CSMD1: variants seen among roughly 807,000 people sequenced by gnomAD.
The protein encoded by CSMD1 is CUB and sushi domain-containing protein 1.
In CSMD1, 213 loss-of-function variants were observed where a neutral mutation model predicts 417.5. The observed-to-expected ratio is 0.51, with a 90% CI of 0.46 to 0.57. CSMD1 has a LOEUF of 0.57. CSMD1 is among the 20% of genes least tolerant of loss of function. CSMD1 has a pLI of 0.00. For missense variants in CSMD1, 6,923 were observed against 4,529.7 expected (o/e 1.53, Z -15.17); for synonymous variants, 2,862 against 1,736.8 (o/e 1.65, Z -16.11).
rs925742608 is a variant in CSMD1, at chr8:4,470,344, G to C, written c.303-50279C>G. Among the ~76,000 whole-genome samples, 6 of 152,200 alleles carry C rather than the reference G, an allele frequency of 3.9e-5. No homozygotes were observed. The South Asian group carries it at 6.2e-4, about 16-fold the overall frequency. Reference sequence around the variant, plus strand: ...CTACAACGTGGCGTCACTTGACTACGATGGTTCAACTCCCAATGCTTCCTC... The same window carrying C: ...CTACAACGTGGCGTCACTTGACTACCATGGTTCAACTCCCAATGCTTCCTC... On this transcript the variant is annotated intron_variant, in intron 2 of 69. Coordinates refer to ENST00000635120, the MANE Select transcript of CSMD1 (RefSeq NM_033225.6).
At chr8:4,757,720 A>G (rs1811755557) in intron 1 of CSMD1, among the ~76,000 whole-genome samples, 1 of 152,056 alleles carries the variant, frequency 6.6e-6, no homozygotes, top group Non-Finnish European at 1.5e-5. Flanking sequence ...TCACTTTGGG[A>G]GGGTGAGGCA....
intron 7 of CSMD1, among the ~76,000 whole-genome samples, chr8:3,619,357 T>C (rs1013646149): frequency 1.4e-5 from 2 of 146,526 alleles, no homozygotes; most frequent in Non-Finnish European, 3.0e-5. Flanking sequence ...TGGAGCACGG[T>C]AGTTAATTTT....
chr8:3,848,657 A>T (rs545214801), intron 5 of CSMD1, among the ~76,000 whole-genome samples: 11 of 152,204 alleles, frequency 7.2e-5, no homozygotes, highest in Middle Eastern at 3.4e-3. Flanking sequence ...TTAAAGCCAG[A>T]TTTTTCATTT....
intron 1 of CSMD1, among the ~76,000 whole-genome samples, chr8:4,908,570 T>C (rs36089348): frequency 0.25 from 37,796 of 151,826 alleles, 5,271 homozygotes; most frequent in East Asian, 0.52. Context: ...TTTTCTCTTT[T>C]CATTTCAATG....
At chr8:3,252,902 G>A (rs1002533760) in intron 26 of CSMD1, among the ~76,000 whole-genome samples, 3 of 152,008 alleles carry the variant, frequency 2.0e-5, no homozygotes, top group African/African-American at 7.2e-5. Context: ...TGGGATCGGT[G>A]GTGATATTAC....
intron 46 of CSMD1, among the ~76,000 whole-genome samples, chr8:3,102,158 G>A (rs966482831): frequency 6.6e-6 from 1 of 152,138 alleles, no homozygotes; most frequent in Non-Finnish European, 1.5e-5. Context: ...TAATTTTTCT[G>A]AAGAATTTAT....
chr8:4,743,041 T>G (rs1404145199), intron 1 of CSMD1, among the ~76,000 whole-genome samples: 1 of 152,210 alleles, frequency 6.6e-6, no homozygotes, highest in Non-Finnish European at 1.5e-5. Context: ...TCTAAGTGTT[T>G]TTGTTTGTAT....
chr8:4,740,452 G>C (rs1043676533), intron 1 of CSMD1, among the ~76,000 whole-genome samples: 3 of 152,144 alleles, frequency 2.0e-5, no homozygotes, highest in African/African-American at 7.2e-5. Flanking sequence ...TGCAATCCTA[G>C]GGTAGAGACA....
chr8:4,661,331 A>C (rs1345671980), intron 1 of CSMD1, among the ~76,000 whole-genome samples: 1 of 152,230 alleles, frequency 6.6e-6, no homozygotes. Context: ...TGACTGATAC[A>C]TGCCATATAC....
chr8:3,535,079 T>C (rs181670559), intron 10 of CSMD1, among the ~76,000 whole-genome samples: 3 of 152,240 alleles, frequency 2.0e-5, no homozygotes, highest in South Asian at 2.1e-4. Flanking sequence ...TACTGAGTAG[T>C]TGGGACTACA....
At position 4,864,518 on chromosome 8, in the gene CSMD1, A is replaced by G. The variant is rs917672605; in HGVS notation, c.85+129814T>C. Among the ~76,000 whole-genome samples the G allele has an allele frequency of 2.2e-4, 34 of 151,848 alleles. 1 individual carries two copies. Among genetic ancestry groups the G allele is most frequent in the African/African-American group, 7.7e-4 (32 of 41,428 alleles). ...TGTTTGATTTCTATTTAGTTTTTGC[A>G]TATGTGATTTTTTTATGGGCAGAGT... On this transcript the variant is annotated intron_variant, in intron 1 of 69. Coordinates refer to ENST00000635120, the MANE Select transcript of CSMD1 (RefSeq NM_033225.6).
At chr8:3,968,837 G>A (rs187732905) in intron 5 of CSMD1, among the ~76,000 whole-genome samples, 1 of 152,154 alleles carries the variant, frequency 6.6e-6, no homozygotes, top group Non-Finnish European at 1.5e-5. Context: ...GACAAGATTT[G>A]GCTGCTGGTT....
intron 12 of CSMD1, among the ~76,000 whole-genome samples, chr8:3,462,357 G>A (rs753851179): frequency 3.0e-4 from 45 of 152,142 alleles, no homozygotes; most frequent in African/African-American, 1.0e-3. Flanking sequence ...ACCAGTACTC[G>A]TCCATGGCCT....
intron 1 of CSMD1, among the ~76,000 whole-genome samples, chr8:4,685,339 T>C (rs1204694406): frequency 1.3e-5 from 2 of 152,242 alleles, no homozygotes; most frequent in Non-Finnish European, 2.9e-5. Context: ...TTTGGGAGGC[T>C]GAGGCAGGCA....
chr8:3,713,429 T>C (rs1801640843), intron 6 of CSMD1, among the ~76,000 whole-genome samples: 1 of 152,162 alleles, frequency 6.6e-6, no homozygotes, highest in South Asian at 2.1e-4. Flanking sequence ...CTGCCCTCTC[T>C]AGCTGGAGCG....
intron 60 of CSMD1, 66 bp downstream of exon 60, chr8:2,963,156 T>C (rs1032115376): frequency 3.7e-5 from 58 of 1,548,618 alleles, no homozygotes; most frequent in Non-Finnish European, 5.0e-5. Flanking sequence ...CCTTAGGATG[T>C]GCCCTGGTTA....
intron 38 of CSMD1, among the ~76,000 whole-genome samples, chr8:3,160,444 A>G (rs1433430103): frequency 6.6e-6 from 1 of 152,124 alleles, no homozygotes; most frequent in African/African-American, 2.4e-5. Context: ...TTTCTGACAT[A>G]TCAGGTGGAT....
At chr8:4,115,129 T>C (rs1275665970) in intron 3 of CSMD1, among the ~76,000 whole-genome samples, 1 of 152,140 alleles carries the variant, frequency 6.6e-6, no homozygotes, top group African/African-American at 2.4e-5. Context: ...AAAAAGTCCA[T>C]AGATGAGGCA....
chr8:4,646,798 G>T (rs770288445), intron 1 of CSMD1, among the ~76,000 whole-genome samples: 1 of 152,150 alleles, frequency 6.6e-6, no homozygotes, highest in Non-Finnish European at 1.5e-5. Context: ...GCTAATACAA[G>T]CTCTCTAAGA....
Sources: allele counts gnomAD v4.1 joint callset (sites outside exome capture counted in the v4.1 genomes callset), GRCh38; gene constraint gnomAD v4.1.1; transcripts MANE v1.5; gene names NCBI Gene and HGNC (gene_info 2026-07-23, HGNC 2026-07-21).